Variants in KCNIP4 observed in about 807,000 individuals in gnomAD.
KCNIP4 encodes the protein Kv channel-interacting protein 4.
KCNIP4 carries 12 observed loss-of-function variants against 34.0 expected under a neutral mutation model. That is an observed-to-expected ratio of 0.35 (90% CI 0.23 to 0.57). The LOEUF (loss-of-function observed/expected upper bound fraction) is 0.57, where lower values mean the gene tolerates loss of function less well. Among genes scored for constraint, KCNIP4 ranks in the 20% least tolerant of loss-of-function variants. The pLI, the probability that KCNIP4 is intolerant of heterozygous loss-of-function variation, is 0.83. For missense variants in KCNIP4, 238 were observed against 311.7 expected, an observed-to-expected ratio of 0.76 and a Z score of 1.78; for synonymous variants, 124 against 102.2, an observed-to-expected ratio of 1.21 and a Z score of -1.29.
At chr4:21,383,311 CT>C (rs60077866) in intron 1 of KCNIP4, among the ~76,000 whole-genome samples, 86,885 of 149,702 alleles carry the variant, frequency 0.58, 25,455 homozygotes, top group Non-Finnish European at 0.63. Flanking sequence ...AGTTATAAAT[CT>C]TTTTTTTTTT....
chr4:21,585,127 T>G (rs1406255057), intron 1 of KCNIP4, among the ~76,000 whole-genome samples: 1 of 152,076 alleles, frequency 6.6e-6, no homozygotes, highest in Admixed American at 6.6e-5. Context: ...GTATAGAATG[T>G]TCAGTGACCC....
chr4:21,477,633 G>C (rs577483941), intron 1 of KCNIP4, among the ~76,000 whole-genome samples: 1 of 152,154 alleles, frequency 6.6e-6, no homozygotes, highest in Non-Finnish European at 1.5e-5. Flanking sequence ...TCATTTAAGA[G>C]AGCAATAAAT....
intron 1 of KCNIP4, among the ~76,000 whole-genome samples, chr4:21,604,315 G>T (rs1050399306): frequency 4.6e-5 from 7 of 152,108 alleles, no homozygotes; most frequent in African/African-American, 1.7e-4. Context: ...CTACGTGTTA[G>T]TTGCTCTTGC....
At chr4:21,494,553 C>A (rs947517153) in intron 1 of KCNIP4, among the ~76,000 whole-genome samples, 8 of 151,854 alleles carry the variant, frequency 5.3e-5, no homozygotes, top group Admixed American at 5.2e-4. Flanking sequence ...GGTGGGCGGA[C>A]CATGAGGTCA....
At chr4:21,641,547 T>A (rs1027573467) in intron 1 of KCNIP4, among the ~76,000 whole-genome samples, 1 of 152,204 alleles carries the variant, frequency 6.6e-6, no homozygotes, top group Non-Finnish European at 1.5e-5. Flanking sequence ...GAAATCTGAT[T>A]GGAAAATTGG....
At chr4:21,374,692 G>A (rs538653706) in intron 1 of KCNIP4, among the ~76,000 whole-genome samples, 2 of 147,778 alleles carry the variant, frequency 1.4e-5, no homozygotes, top group South Asian at 2.1e-4. Flanking sequence ...TTATCAACAT[G>A]AGAATAACAA....
At chr4:21,175,239 A>C (rs1754319444) in intron 1 of KCNIP4, among the ~76,000 whole-genome samples, 1 of 152,192 alleles carries the variant, frequency 6.6e-6, no homozygotes, top group Non-Finnish European at 1.5e-5. Context: ...GAAGAAAATA[A>C]GATGCCTATC....
intron 1 of KCNIP4, among the ~76,000 whole-genome samples, chr4:21,066,922 T>C (rs1438822829): frequency 6.6e-6 from 1 of 152,138 alleles, no homozygotes; most frequent in Non-Finnish European, 1.5e-5. Context: ...CCAGCCGGGA[T>C]GCATGAGGGA....
intron 1 of KCNIP4, among the ~76,000 whole-genome samples, chr4:21,697,174 A>G (rs1230054544): frequency 2.0e-5 from 3 of 152,094 alleles, no homozygotes; most frequent in Non-Finnish European, 4.4e-5. Context: ...CCCCCAAAAG[A>G]GCTGCACTGC....
intron 1 of KCNIP4, among the ~76,000 whole-genome samples, chr4:21,496,724 T>C (rs565126235): frequency 5.6e-4 from 85 of 152,316 alleles, no homozygotes; most frequent in African/African-American, 1.9e-3. Flanking sequence ...GAGCAGGCAT[T>C]ACTGCCTGAG....
intron 1 of KCNIP4, among the ~76,000 whole-genome samples, chr4:21,475,246 G>C (rs1242323663): frequency 6.6e-6 from 1 of 152,054 alleles, no homozygotes; most frequent in Non-Finnish European, 1.5e-5. Flanking sequence ...CATTTTCTAA[G>C]TGTTTACACA....
intron 1 of KCNIP4, among the ~76,000 whole-genome samples, chr4:21,783,024 G>A (rs1719668305): frequency 1.3e-5 from 2 of 152,156 alleles, no homozygotes; most frequent in African/African-American, 2.4e-5. Context: ...AAAGGAGGTG[G>A]AGGTAATGAT....
intron 1 of KCNIP4, among the ~76,000 whole-genome samples, chr4:20,988,743 T>G (rs941296502): frequency 2.0e-5 from 3 of 152,236 alleles, no homozygotes; most frequent in Admixed American, 2.0e-4. Flanking sequence ...ATATGTCCTT[T>G]GGCATAAGGG....
intron 1 of KCNIP4, among the ~76,000 whole-genome samples, chr4:21,087,926 G>A (rs999499705): frequency 6.6e-6 from 1 of 151,974 alleles, no homozygotes; most frequent in Admixed American, 6.6e-5. Context: ...TTCAAGATAC[G>A]CTTCCCTTCT....
intron 1 of KCNIP4, among the ~76,000 whole-genome samples, chr4:20,942,723 G>A (rs1266593314): frequency 1.3e-5 from 2 of 152,032 alleles, no homozygotes; most frequent in African/African-American, 4.8e-5. Context: ...CCAGGCTGGA[G>A]TCCAATGGCA....
intron 3 of KCNIP4, among the ~76,000 whole-genome samples, chr4:20,787,723 G>T (rs893524036): frequency 6.6e-6 from 1 of 151,996 alleles, no homozygotes; most frequent in Non-Finnish European, 1.5e-5. Context: ...TTAGTAGTAA[G>T]ATCAATGTTA....
intron 1 of KCNIP4, among the ~76,000 whole-genome samples, chr4:21,170,604 A>C (rs144530015): frequency 5.3e-4 from 80 of 152,318 alleles, no homozygotes; most frequent in Non-Finnish European, 1.1e-3. Context: ...ATCATAATAA[A>C]TGTAGCATAG....
intron 1 of KCNIP4, among the ~76,000 whole-genome samples, chr4:21,933,644 G>A (rs1215612608): frequency 6.6e-6 from 1 of 152,050 alleles, no homozygotes; most frequent in African/African-American, 2.4e-5. Context: ...AAAGCACACA[G>A]CACAATGTTT....
intron 1 of KCNIP4, among the ~76,000 whole-genome samples, chr4:21,481,358 T>A (rs866987522): frequency 2.0e-4 from 31 of 152,210 alleles, no homozygotes; most frequent in African/African-American, 6.0e-4. Context: ...GCTGCAGGAA[T>A]CACTGTCCAA....
Sources: allele counts gnomAD v4.1 joint callset (sites outside exome capture counted in the v4.1 genomes callset), GRCh38; gene constraint gnomAD v4.1.1; transcripts MANE v1.5; gene names NCBI Gene and HGNC (gene_info 2026-07-23, HGNC 2026-07-21).